Variants in SLC9D1 observed in about 807,000 individuals in gnomAD.
SLC9D1 encodes solute carrier family 9 member D1, also known as putative LAG1-interacting protein.
the SLC9D1 span, among the ~76,000 whole-genome samples, chr13:113,518,861 A>G: frequency 6.6e-6 from 1 of 152,226 alleles, no homozygotes; most frequent in Non-Finnish European, 1.5e-5. Flanking sequence ...AAGCCAAGAT[A>G]TTTTGTTCAC....
the SLC9D1 span, chr13:113,529,024 G>T: frequency 2.0e-5 from 3 of 152,202 alleles, no homozygotes; most frequent in South Asian, 4.1e-4. Context: ...CCCTGGCAGA[G>T]ACTGCAGGGC....
the SLC9D1 span, among the ~76,000 whole-genome samples, chr13:113,532,005 G>A: frequency 1.3e-5 from 2 of 152,198 alleles, no homozygotes; most frequent in East Asian, 3.9e-4. Flanking sequence ...GTGGCCTGGA[G>A]CAGATCACCT....
chr13:113,493,597 A>G, the SLC9D1 span, among the ~76,000 whole-genome samples: 1 of 152,212 alleles, frequency 6.6e-6, no homozygotes, highest in East Asian at 1.9e-4. Context: ...TATTGAAACT[A>G]ACATAAAATT....
chr13:113,541,038 AT>A, the SLC9D1 span, among the ~76,000 whole-genome samples: 2 of 151,928 alleles, frequency 1.3e-5, no homozygotes, highest in Non-Finnish European at 2.9e-5. Flanking sequence ...GTGCGGCCTG[AT>A]TTCTAGGTCT....
the SLC9D1 span, chr13:113,510,494 T>G: frequency 6.8e-7 from 1 of 1,477,488 alleles, no homozygotes; most frequent in African/African-American, 1.4e-5. Flanking sequence ...GGATTCACAG[T>G]TGAGGGCATG....
At chr13:113,532,901 G>A in the SLC9D1 span, among the ~76,000 whole-genome samples, 12 of 91,796 alleles carry the variant, frequency 1.3e-4, no homozygotes, top group Admixed American at 4.1e-4. Context: ...TACTGAAGTC[G>A]CAGACGTGGG....
the SLC9D1 span, among the ~76,000 whole-genome samples, chr13:113,523,711 G>A: frequency 6.6e-6 from 1 of 152,054 alleles, no homozygotes; most frequent in African/African-American, 2.4e-5. Context: ...GTTTAACTTA[G>A]ATTATTGATT....
At chr13:113,548,719 A>G in the SLC9D1 span, among the ~76,000 whole-genome samples, 8 of 152,196 alleles carry the variant, frequency 5.3e-5, no homozygotes, top group Non-Finnish European at 1.2e-4. Flanking sequence ...CTGAAAGAAA[A>G]CTAACTTTTT....
At chr13:113,491,981 C>G in the SLC9D1 span, among the ~76,000 whole-genome samples, 2 of 152,158 alleles carry the variant, frequency 1.3e-5, no homozygotes, top group African/African-American at 4.8e-5. Flanking sequence ...GTTTTTTTCT[C>G]CTACAGGCTT....
the SLC9D1 span, among the ~76,000 whole-genome samples, chr13:113,502,756 C>T: frequency 5.3e-5 from 8 of 152,114 alleles, no homozygotes; most frequent in Non-Finnish European, 1.0e-4. Flanking sequence ...GGGGGTGGGA[C>T]GGGGAGGAGT....
chr13:113,548,578 G>A, the SLC9D1 span: 1 of 982,630 alleles, frequency 1.0e-6, no homozygotes, highest in Non-Finnish European at 1.5e-6. Context: ...CCTCCAGGGG[G>A]GCACGCAGAG....
the SLC9D1 span, among the ~76,000 whole-genome samples, chr13:113,495,184 A>G: frequency 1.3e-5 from 2 of 152,210 alleles, no homozygotes; most frequent in Admixed American, 6.5e-5. Flanking sequence ...AGACTTGGTT[A>G]ATGTCTTTTG....
At chr13:113,503,483 TTG>T in the SLC9D1 span, 1 of 1,593,824 alleles carries the variant, frequency 6.3e-7, no homozygotes, top group Non-Finnish European at 8.6e-7. Context: ...GGTTTTTCTT[TTG>T]TGTTTTTCAG....
the SLC9D1 span, among the ~76,000 whole-genome samples, chr13:113,538,563 G>A: frequency 3.9e-5 from 6 of 152,248 alleles, no homozygotes; most frequent in African/African-American, 9.6e-5. Flanking sequence ...CCTTGGCGCT[G>A]TCATCTGAGT....
At chr13:113,518,267 G>A in the SLC9D1 span, among the ~76,000 whole-genome samples, 8 of 152,264 alleles carry the variant, frequency 5.3e-5, no homozygotes, top group East Asian at 5.8e-4. Flanking sequence ...CTGCAGCCCC[G>A]TGAAGTCCCT....
chr13:113,538,903 A>G, the SLC9D1 span, among the ~76,000 whole-genome samples: 1 of 152,144 alleles, frequency 6.6e-6, no homozygotes, highest in Non-Finnish European at 1.5e-5. Context: ...GCCGCCGTGG[A>G]CACGCCGATG....
chr13:113,501,469 G>A, the SLC9D1 span, among the ~76,000 whole-genome samples: 1 of 152,124 alleles, frequency 6.6e-6, no homozygotes, highest in African/African-American at 2.4e-5. Context: ...TTCTGGTCTG[G>A]GGGGCAGGGG....
At chr13:113,513,373 C>A in the SLC9D1 span, among the ~76,000 whole-genome samples, 5 of 150,010 alleles carry the variant, frequency 3.3e-5, no homozygotes, top group African/African-American at 1.3e-4. Context: ...CAGAGCTGGG[C>A]GTGGAAGCAG....
chr13:113,517,579 C>G, the SLC9D1 span, among the ~76,000 whole-genome samples: 8 of 152,100 alleles, frequency 5.3e-5, no homozygotes, highest in African/African-American at 1.9e-4. Flanking sequence ...AAACTGTGGT[C>G]TGTTCTACAA....
Sources: gnomAD v4.1 joint callset for allele counts (sites outside exome capture counted in the v4.1 genomes callset) on GRCh38, gnomAD v4.1.1 for gene constraint, MANE v1.5 for transcripts, NCBI Gene and HGNC (gene_info 2026-07-23, HGNC 2026-07-21) for gene names.